PER3: variants seen among roughly 807,000 people sequenced by gnomAD.
The protein encoded by PER3 is period circadian protein homolog 3.
PER3 carries 107 observed loss-of-function variants against 127.2 expected under a neutral mutation model. The ratio of observed to expected loss-of-function variants is 0.84; its 90% CI spans 0.72 to 0.99. PER3 has a LOEUF of 0.99. Among genes scored for constraint, PER3 ranks in the 50% least tolerant of loss-of-function variants. The pLI is 0.00. For synonymous variants in PER3, 618 were observed against 585.8 expected (o/e 1.05, Z -0.79); for missense variants, 1,560 against 1,525.8 (o/e 1.02, Z -0.37).
intron 20 of PER3, among the ~76,000 whole-genome samples, chr1:7,836,638 G>C (rs1336340579): frequency 1.3e-5 from 2 of 152,154 alleles, no homozygotes; most frequent in East Asian, 3.8e-4. Flanking sequence ...TTCAGATCCA[G>C]ACTAAACAGA....
chr1:7,784,420 G>C (rs1480631297), intron 1 of PER3, 44 bp downstream of exon 1: 1 of 151,922 alleles, frequency 6.6e-6, no homozygotes, highest in African/African-American at 2.4e-5. Flanking sequence ...CCGGGCGGGA[G>C]TTCTGGGCAC....
At chr1:7,801,276 A>C (rs1264877386) in intron 8 of PER3, 85 bp downstream of exon 8, 1 of 778,604 alleles carries the variant, frequency 1.3e-6, no homozygotes, top group Non-Finnish European at 2.2e-6. Context: ...TTGCATGTTT[A>C]TACATTATGT....
intron 5 of PER3, among the ~76,000 whole-genome samples, chr1:7,789,453 C>T (rs575353607): frequency 3.9e-5 from 6 of 152,130 alleles, no homozygotes; most frequent in African/African-American, 1.2e-4. Flanking sequence ...TGCCTGCTGC[C>T]GTCCATGTAA....
chr1:7,818,943 C>T (rs2097263637), intron 13 of PER3, among the ~76,000 whole-genome samples: 1 of 152,236 alleles, frequency 6.6e-6, no homozygotes, highest in East Asian at 1.9e-4. Flanking sequence ...ATCAGTTGTA[C>T]AGGAAGCGTC....
Position 7,803,837 on chromosome 1 carries a change from T to C in PER3, c.1125T>C (p.His375=). Residue 375 remains histidine (H), a synonymous_variant, in exon 10 of 22, where the codon CAT becomes CAC. Transcript: ENST00000377532. ...SRKISFIIGR[H]KVRTSPLNED... is the part of the protein sequence containing the mutation. ...AGATTTCTTTCATCATTGGTCGGCA[T>C]AAAGTTCGAACGTAAGCCAGTCAGT... 4 of 1,613,210 alleles carry C rather than the reference T, an allele frequency of 2.5e-6. No individual in the cohort carries two copies. Among genetic ancestry groups the C allele is most frequent in the Non-Finnish European group, 3.4e-6 (4 of 1,179,572 alleles).
At chr1:7,801,654 A>G (rs1558407256) in intron 8 of PER3, among the ~76,000 whole-genome samples, 2 of 152,304 alleles carry the variant, frequency 1.3e-5, no homozygotes, top group Middle Eastern at 3.4e-3. Flanking sequence ...TTTTTTGTAA[A>G]GAATTGTTCT....
chr1:7,785,064 G>C, intron 2 of PER3, 59 bp downstream of exon 2: 1 of 1,531,828 alleles, frequency 6.5e-7, no homozygotes, highest in Non-Finnish European at 8.8e-7. Flanking sequence ...CCTGGAGCAG[G>C]GAAAGGGGGA....
In PER3 at chr1:7,842,946, A is replaced by T. The variant is rs2097398305; in HGVS notation, c.*191A>T. 1 of 375,938 alleles carries T rather than the reference A, an allele frequency of 2.7e-6. No individual in the cohort carries two copies. The highest frequency in any genetic ancestry group is 4.1e-5 in the Admixed American group (1 of 24,176). 23.3% of individuals were successfully genotyped at this position (375,938 alleles called of 1,614,324 possible). A position where few individuals can be genotyped will look rare whatever the true frequency, so the allele number is the denominator to read the frequency against. On this transcript the variant is annotated 3_prime_UTR_variant, in exon 22 of 22. Coordinates refer to ENST00000377532, the MANE Select transcript of PER3 (RefSeq NM_001377275.1). ...AGAATCTTACTTCTCTTTGTTCCTG[A>T]TATATTAAAATGGCCAGTTAGGCTC...
At chr1:7,809,266 G>A (rs554558278) in intron 11 of PER3, among the ~76,000 whole-genome samples, 1 of 152,180 alleles carries the variant, frequency 6.6e-6, no homozygotes, top group Non-Finnish European at 1.5e-5. Flanking sequence ...AGGCACCAGC[G>A]TGCTCAGCCT....
intron 6 of PER3, among the ~76,000 whole-genome samples, chr1:7,795,726 A>G (rs1341017010): frequency 6.6e-6 from 1 of 152,208 alleles, no homozygotes; most frequent in Non-Finnish European, 1.5e-5. Context: ...GAAGTGTTTT[A>G]TTTCAGTTTA....
intron 18 of PER3, among the ~76,000 whole-genome samples, chr1:7,829,142 A>G (rs541989767): frequency 3.4e-4 from 52 of 152,326 alleles, no homozygotes; most frequent in African/African-American, 1.2e-3. Context: ...CCCAGGGGAT[A>G]TGTTTCAAAC....
rs115568401 is a variant in PER3, at chr1:7,825,424, A to G, written c.1958-1056A>G. On this transcript the variant is annotated intron_variant, in intron 16 of 21. Coordinates refer to ENST00000377532, the MANE Select transcript of PER3 (RefSeq NM_001377275.1). ...TAGTAAACTGTGCTATGCATATAAA[A>G]TGGAACTCCGCAGCAGTGTAGAAGT... 3.7e-3 allele frequency among the ~76,000 whole-genome samples: 569 copies of G among 152,320 alleles called. 2 individuals carry two copies. Among genetic ancestry groups the G allele is most frequent in the African/African-American group, 0.013 (553 of 41,564 alleles).
At chr1:7,822,249 T>A (rs904069722) in intron 16 of PER3, among the ~76,000 whole-genome samples, 26 of 126,824 alleles carry the variant, frequency 2.1e-4, no homozygotes, top group Non-Finnish European at 4.1e-4. Context: ...ACAAAAAATT[T>A]AAAAAAAAAT....
chr1:7,829,804 A>C, intron 18 of PER3, 30 bp from the exon 19 acceptor site: 1 of 1,548,622 alleles, frequency 6.5e-7, no homozygotes, highest in Non-Finnish European at 8.9e-7. Context: ...AGAAGATTAA[A>C]GTGTCTTTTC....
At chr1:7,791,362 G>C (rs1355153805) in intron 5 of PER3, among the ~76,000 whole-genome samples, 1 of 152,258 alleles carries the variant, frequency 6.6e-6, no homozygotes, top group East Asian at 1.9e-4. Context: ...TATGGCCTGA[G>C]CTGTACCTTG....
chr1:7,822,282 G>T (rs2097280618), intron 16 of PER3, among the ~76,000 whole-genome samples: 1 of 150,464 alleles, frequency 6.6e-6, no homozygotes, highest in Admixed American at 6.6e-5. Flanking sequence ...TTGAGAAGGA[G>T]TCTTGCTCTG....
chr1:7,827,422 C>T lies in PER3; in HGVS notation c.2493C>T (p.Gly831=), dbSNP rs1381959336. ...CAGCCCCCGGAACTGCACCGGAAGG[C>T]CTGCATGGGCTGCCCTTGTCCGAGG... is the stretch of plus-strand genomic sequence containing the variant. ...EYAAPGTAPE[G]LHGLPLSEGL... The change falls in exon 18 of 22, where the codon GGC becomes GGT. Residue 831 remains glycine (G), a synonymous_variant. Transcript: ENST00000377532. The T allele has an allele frequency of 1.9e-6, 3 of 1,614,044 alleles. No individual in the cohort carries two copies. The highest frequency in any genetic ancestry group is 1.1e-5 in the South Asian group (1 of 91,092).
chr1:7,803,854 CCAGT>C lies in PER3; in HGVS notation c.1136+11_1136+14del, dbSNP rs1423325461. 6.2e-7 allele frequency: 1 copy of C among 1,608,200 alleles called. No homozygotes were observed. Among genetic ancestry groups the C allele is most frequent in the African/African-American group, 1.3e-5 (1 of 74,740 alleles). On this transcript the variant is annotated splice_region_variant and intron_variant, in intron 10 of 21. Coordinates refer to ENST00000377532, the MANE Select transcript of PER3 (RefSeq NM_001377275.1). ...GGTCGGCATAAAGTTCGAACGTAAG[CCAGT>C]CAGTTTTCATATTTTCTAAAACATC...
At chr1:7,796,124 A>G (rs2097144122) in intron 6 of PER3, among the ~76,000 whole-genome samples, 1 of 152,154 alleles carries the variant, frequency 6.6e-6, no homozygotes, top group Non-Finnish European at 1.5e-5. Flanking sequence ...GAGACACCCC[A>G]GACCCATTTT....
Sources: gnomAD v4.1 joint callset for allele counts (sites outside exome capture counted in the v4.1 genomes callset) on GRCh38, gnomAD v4.1.1 for gene constraint, MANE v1.5 for transcripts, NCBI Gene and HGNC (gene_info 2026-07-23, HGNC 2026-07-21) for gene names.